The following SLC9A7 variants were observed in gnomAD, a reference collection of about 807,000 sequenced individuals.
SLC9A7 encodes the protein solute carrier family 9 member A7.
SLC9A7 carries 19 observed loss-of-function variants against 52.6 expected under a neutral mutation model. The ratio of observed to expected loss-of-function variants is 0.36; its 90% CI spans 0.25 to 0.53. The LOEUF (loss-of-function observed/expected upper bound fraction) is 0.53. SLC9A7 is among the 20% of genes least tolerant of loss of function. The probability of loss-of-function intolerance (pLI) is 0.91; values close to 1 mark genes in which losing one functional copy is unlikely to be tolerated. For synonymous variants in SLC9A7, 226 were observed against 252.1 expected, an observed-to-expected ratio of 0.90 and a Z score of 0.98; for missense variants, 455 against 597.9, an observed-to-expected ratio of 0.76 and a Z score of 2.49.
chrX:46,720,444 C>T (rs1222078040), intron 1 of SLC9A7, among the ~76,000 whole-genome samples: 1 of 110,394 alleles, frequency 9.1e-6, no homozygotes, highest in African/African-American at 3.3e-5. Flanking sequence ...TCTTAACTAT[C>T]CCCCCTGCTT....
rs183138910 is a variant in SLC9A7, at chrX:46,746,176, A to G, written c.325+12529T>C. Among the ~76,000 whole-genome samples the G allele has an allele frequency of 2.2e-4, 24 of 110,499 alleles. No homozygotes were observed. In the East Asian group the frequency reaches 2.8e-3, roughly 13 times the overall value. On this transcript the variant is annotated intron_variant, in intron 1 of 16. Transcript: ENST00000616978. ...CTATTTCTACTGAAAATACAAAAAA[A>G]AAATTAGTTGGGCGTGGTGGTGGGC... is the stretch of plus-strand genomic sequence containing the variant.
intron 3 of SLC9A7, among the ~76,000 whole-genome samples, chrX:46,673,484 G>A (rs770897118): frequency 2.7e-5 from 3 of 111,715 alleles, no homozygotes; most frequent in Non-Finnish European, 5.6e-5. Context: ...CTGTTCTTGG[G>A]ATCCTAAGAC....
At chrX:46,729,815 G>T (rs1210249299) in intron 1 of SLC9A7, among the ~76,000 whole-genome samples, 1 of 111,409 alleles carries the variant, frequency 9.0e-6, no homozygotes, top group Non-Finnish European at 1.9e-5. Flanking sequence ...ATGATCTCTT[G>T]CCTTCAATGT....
At chrX:46,729,083 G>T (rs1374969987) in intron 1 of SLC9A7, among the ~76,000 whole-genome samples, 2 of 112,046 alleles carry the variant, frequency 1.8e-5, no homozygotes, top group Non-Finnish European at 3.8e-5. Flanking sequence ...AAAACTCATT[G>T]AACTGTATAT....
chrX:46,619,036 C>A (rs909995072), intron 15 of SLC9A7, among the ~76,000 whole-genome samples: 2 of 111,067 alleles, frequency 1.8e-5, no homozygotes, highest in African/African-American at 3.3e-5. Context: ...CCAGAATGCA[C>A]AAAGAACTCT....
chrX:46,741,027 T>C (rs1388984756), intron 1 of SLC9A7, among the ~76,000 whole-genome samples: 1 of 112,002 alleles, frequency 8.9e-6, no homozygotes, highest in Non-Finnish European at 1.9e-5. Flanking sequence ...ATTGAAATTA[T>C]GAAAATAATA....
chrX:46,669,037 A>G (rs887270462), intron 5 of SLC9A7, among the ~76,000 whole-genome samples: 5 of 108,886 alleles, frequency 4.6e-5, no homozygotes, highest in African/African-American at 6.7e-5. Context: ...GCGTGGTGGC[A>G]GGCGCCTGTA....
intron 1 of SLC9A7, among the ~76,000 whole-genome samples, chrX:46,753,854 C>T (rs1463367442): frequency 3.6e-5 from 4 of 109,635 alleles, no homozygotes; most frequent in Admixed American, 9.7e-5. Flanking sequence ...GGCATGGTGG[C>T]GGGTGCCTGT....
chrX:46,709,764 G>A (rs1286074886), intron 1 of SLC9A7, among the ~76,000 whole-genome samples: 3 of 112,243 alleles, frequency 2.7e-5, no homozygotes, highest in Non-Finnish European at 5.6e-5. Context: ...GGAAATTCCA[G>A]CAGCCATTCT....
chrX:46,654,920 T>C (rs987845955), intron 7 of SLC9A7, among the ~76,000 whole-genome samples: 40 of 110,735 alleles, frequency 3.6e-4, no homozygotes, highest in African/African-American at 1.3e-3. Flanking sequence ...CTAGTCCAAA[T>C]TGAGATGTGT....
chrX:46,757,286 T>C (rs1049202287), intron 1 of SLC9A7, among the ~76,000 whole-genome samples: 8 of 111,871 alleles, frequency 7.2e-5, no homozygotes, highest in Non-Finnish European at 1.3e-4. Context: ...CGGTCAGGGA[T>C]GGAGGCCAAA....
At chrX:46,636,652 C>A (rs911494984) in intron 12 of SLC9A7, among the ~76,000 whole-genome samples, 4 of 110,108 alleles carry the variant, frequency 3.6e-5, no homozygotes, top group African/African-American at 6.6e-5. Flanking sequence ...AAAAAAAAAA[C>A]CACTCAGATA....
chrX:46,734,862 C>T (rs758655375), intron 1 of SLC9A7, among the ~76,000 whole-genome samples: 1 of 112,040 alleles, frequency 8.9e-6, no homozygotes, highest in Non-Finnish European at 1.9e-5. Context: ...CCCTGGTATC[C>T]ATGAACAGTA....
intron 15 of SLC9A7, among the ~76,000 whole-genome samples, chrX:46,613,605 T>C (rs914121105): frequency 4.5e-5 from 5 of 112,061 alleles, no homozygotes; most frequent in African/African-American, 1.6e-4. Context: ...AACTCTCAGG[T>C]TGGTAATTCC....
intron 1 of SLC9A7, among the ~76,000 whole-genome samples, chrX:46,735,903 C>T (rs1049831183): frequency 5.4e-5 from 6 of 111,143 alleles, no homozygotes; most frequent in African/African-American, 2.0e-4. Flanking sequence ...CCCCTGCCCT[C>T]TCCCCGCACC....
intron 12 of SLC9A7, among the ~76,000 whole-genome samples, chrX:46,640,324 A>G (rs941023015): frequency 3.6e-5 from 4 of 112,442 alleles, no homozygotes; most frequent in Non-Finnish European, 1.9e-5. Flanking sequence ...TCTTTTTAAC[A>G]TATTATGCTA....
intron 1 of SLC9A7, among the ~76,000 whole-genome samples, chrX:46,741,950 C>A (rs1350567728): frequency 9.1e-6 from 1 of 110,451 alleles, no homozygotes; most frequent in Non-Finnish European, 1.9e-5. Flanking sequence ...CAAAGAAAAA[C>A]AACAGTACAA....
intron 15 of SLC9A7, among the ~76,000 whole-genome samples, chrX:46,616,712 A>C (rs1156803882): frequency 1.8e-5 from 2 of 111,216 alleles, no homozygotes; most frequent in African/African-American, 6.5e-5. Flanking sequence ...CTTATTTTTG[A>C]TTGACAGTTT....
intron 1 of SLC9A7, among the ~76,000 whole-genome samples, chrX:46,754,119 T>C (rs934511085): frequency 7.2e-5 from 8 of 111,486 alleles, no homozygotes; most frequent in African/African-American, 1.3e-4. Flanking sequence ...TGTGTCCTAA[T>C]GCATTTTAAA....
Sources: allele counts gnomAD v4.1 joint callset (sites outside exome capture counted in the v4.1 genomes callset), GRCh38; gene constraint gnomAD v4.1.1; transcripts MANE v1.5; gene names NCBI Gene and HGNC (gene_info 2026-07-23, HGNC 2026-07-21).